MIPEP: variants seen among roughly 807,000 people sequenced by gnomAD.
MIPEP encodes mitochondrial intermediate peptidase.
Under a neutral mutation model 90.3 loss-of-function variants are expected in MIPEP, and 79 were observed. The observed-to-expected ratio is 0.87, with a 90% CI of 0.73 to 1.05. The LOEUF (loss-of-function observed/expected upper bound fraction) is 1.05, where lower values mean the gene tolerates loss of function less well. Ranked by LOEUF, MIPEP falls within the 50% of genes least tolerant of loss-of-function variation. MIPEP has a pLI of 0.00. For synonymous variants in MIPEP, 334 were observed against 315.8 expected, an observed-to-expected ratio of 1.06 and a Z score of -0.61; for missense variants, 940 against 905.6, an observed-to-expected ratio of 1.04 and a Z score of -0.49.
rs1953238529 is a variant in MIPEP at position 23,816,436 on chromosome 13, T to C, written c.1654-6512A>G. The stretch of plus-strand genomic sequence containing the variant: ...TCTTTAAATTCACTGATTCCTTCCC[T>C]AGTTTCATCGAGTGTATGGATGAGC... On this transcript the variant is annotated intron_variant, in intron 14 of 18. Transcript: ENST00000382172. Among the ~76,000 whole-genome samples, 5 of 152,350 alleles carry C rather than the reference T, an allele frequency of 3.3e-5. No individual in the cohort carries two copies. The South Asian group carries it at 1.0e-3, about 32-fold the overall frequency.
intron 9 of MIPEP, among the ~76,000 whole-genome samples, chr13:23,861,687 T>C (rs1317136162): frequency 1.3e-5 from 2 of 152,124 alleles, no homozygotes; most frequent in Admixed American, 6.5e-5. Flanking sequence ...TGTAGTGCCC[T>C]AGAACCAAAT....
chr13:23,731,390 G>A (rs1952202942), intron 18 of MIPEP, among the ~76,000 whole-genome samples: 1 of 152,190 alleles, frequency 6.6e-6, no homozygotes. Context: ...AGGTGGGCAG[G>A]CTCAGTCACA....
At chr13:23,742,968 T>C (rs1952347231) in intron 18 of MIPEP, among the ~76,000 whole-genome samples, 1 of 152,226 alleles carries the variant, frequency 6.6e-6, no homozygotes, top group Non-Finnish European at 1.5e-5. Flanking sequence ...ATGGCATGTA[T>C]ATTTTACCAC....
intron 2 of MIPEP, among the ~76,000 whole-genome samples, chr13:23,882,352 C>CT (rs371163136): frequency 4.6e-4 from 68 of 147,734 alleles, no homozygotes; most frequent in African/African-American, 1.5e-3. Flanking sequence ...CTCTTAAAGG[C>CT]TTTTTTTTTT....
intron 10 of MIPEP, among the ~76,000 whole-genome samples, chr13:23,855,848 T>C (rs778607332): frequency 2.0e-5 from 3 of 152,234 alleles, no homozygotes; most frequent in South Asian, 2.1e-4. Context: ...CATGGATATC[T>C]GGCAGACTAC....
At position 23,886,481 on chromosome 13, in the gene MIPEP, C is replaced by T; in HGVS notation, c.215G>A (p.Ser72Asn). The change falls in exon 2 of 19, where the codon AGT becomes AAT. Residue 72 changes from serine (S) to asparagine (N), a missense_variant. By Grantham distance (46) the Ser-to-Asn change is conservative. Coordinates refer to ENST00000382172, the MANE Select transcript of MIPEP (RefSeq NM_005932.4). ...TGCAATATGAAATCCTTCTGGGGCACTCAGCTCAGGAACTCCAAAAAGACC... is the reference window on the plus strand; with the variant it reads ...TGCAATATGAAATCCTTCTGGGGCATTCAGCTCAGGAACTCCAAAAAGACC... ...RRGLFGVPELSAPEGFHIAQE... is the reference protein window; with the variant it reads ...RRGLFGVPELNAPEGFHIAQE... 6.3e-7 allele frequency: 1 copy of T among 1,599,564 alleles called. No homozygotes were observed. The highest frequency in any genetic ancestry group is 8.5e-7 in the Non-Finnish European group (1 of 1,172,462).
intron 2 of MIPEP, 49 bp from the exon 3 acceptor site, chr13:23,881,836 TC>T (rs1340283380): frequency 7.1e-7 from 1 of 1,412,526 alleles, no homozygotes; most frequent in Non-Finnish European, 9.9e-7. Flanking sequence ...TGAGAAGCTT[TC>T]TTCCAGGATC....
intron 16 of MIPEP, among the ~76,000 whole-genome samples, chr13:23,780,550 T>TC (rs944687687): frequency 6.6e-6 from 1 of 152,058 alleles, no homozygotes; most frequent in African/African-American, 2.4e-5. Context: ...AGAGCGCCTC[T>TC]CCCCCTCCAA....
rs546454361 is a variant in MIPEP, at chr13:23,760,146, C to T, written c.1920G>A (p.Ala640=). The change falls in exon 17 of 19, where the codon GCG becomes GCA. Residue 640 remains alanine, a synonymous_variant. Coordinates refer to ENST00000382172, the MANE Select transcript of MIPEP (RefSeq NM_005932.4). ...ACTCCTTCCAAACCATGGAGGCGACCGCTCTGGACATGAGGTAAGAGTAAT... is the reference window on the plus strand; with the variant it reads ...ACTCCTTCCAAACCATGGAGGCGACTGCTCTGGACATGAGGTAAGAGTAAT... ...ARYYSYLMSR[A]VASMVWKECF... The T allele has an allele frequency of 1.2e-5, 19 of 1,614,070 alleles. No homozygotes were observed. The highest frequency in any genetic ancestry group is 2.2e-5 in the East Asian group (1 of 44,876).
intron 18 of MIPEP, among the ~76,000 whole-genome samples, chr13:23,735,271 C>T (rs1158557934): frequency 2.0e-5 from 3 of 152,240 alleles, no homozygotes; most frequent in East Asian, 3.9e-4. Flanking sequence ...GGCTTTGGAG[C>T]CCCCCTTCCT....
chr13:23,765,001 T>G (rs1035636660), intron 16 of MIPEP, among the ~76,000 whole-genome samples: 2 of 152,244 alleles, frequency 1.3e-5, no homozygotes, highest in African/African-American at 2.4e-5. Context: ...TCCACTTATA[T>G]GTGGATTTCT....
intron 14 of MIPEP, among the ~76,000 whole-genome samples, chr13:23,813,902 T>C (rs1395712588): frequency 6.6e-6 from 1 of 152,226 alleles, no homozygotes; most frequent in East Asian, 1.9e-4. Context: ...TTAATATTAT[T>C]GTCTCCTAAA....
chr13:23,765,841 G>A (rs1223745265), intron 16 of MIPEP: 1 of 152,188 alleles, frequency 6.6e-6, no homozygotes, highest in Non-Finnish European at 1.5e-5. Context: ...CCGGTGTATT[G>A]GGTTGTACTA....
rs556494993 is a variant in MIPEP at position 23,818,314 on chromosome 13, G to A, written c.1654-8390C>T. ...GGGTGCCTGTAATCCCAGCTACTCAGGAGGCTGAGGCATGAGAATCGCTGG... is the reference window on the plus strand; with the variant it reads ...GGGTGCCTGTAATCCCAGCTACTCAAGAGGCTGAGGCATGAGAATCGCTGG... On this transcript the variant is annotated intron_variant, in intron 14 of 18. Coordinates refer to ENST00000382172, the MANE Select transcript of MIPEP (RefSeq NM_005932.4). 5.9e-5 allele frequency among the ~76,000 whole-genome samples: 9 copies of A among 152,236 alleles called. No individual in the cohort carries two copies. The South Asian group carries it at 8.3e-4, about 14-fold the overall frequency.
intron 14 of MIPEP, among the ~76,000 whole-genome samples, chr13:23,832,560 C>A (rs1022343085): frequency 6.6e-6 from 1 of 151,994 alleles, no homozygotes; most frequent in Non-Finnish European, 1.5e-5. Context: ...GAGAATGAGG[C>A]CACCTATATA....
intron 18 of MIPEP, among the ~76,000 whole-genome samples, chr13:23,735,700 C>T (rs1952255159): frequency 6.6e-6 from 1 of 152,006 alleles, no homozygotes; most frequent in African/African-American, 2.4e-5. Flanking sequence ...ATAGTTAGAG[C>T]TAACTGGTTT....
chr13:23,862,266 G>A (rs772677071), intron 9 of MIPEP, 36 bp downstream of exon 9: 34 of 1,234,448 alleles, frequency 2.8e-5, no homozygotes, highest in Non-Finnish European at 3.8e-5. Context: ...TTGACAGACT[G>A]TCTATATTAT....
At chr13:23,841,167 A>G (rs911099586) in intron 11 of MIPEP, among the ~76,000 whole-genome samples, 168 bp downstream of exon 11, 2 of 152,228 alleles carry the variant, frequency 1.3e-5, no homozygotes, top group African/African-American at 4.8e-5. Flanking sequence ...TCCTTTATAC[A>G]GTGTCTTAAA....
At chr13:23,823,656 C>T (rs1436200795) in intron 14 of MIPEP, among the ~76,000 whole-genome samples, 1 of 152,144 alleles carries the variant, frequency 6.6e-6, no homozygotes, top group African/African-American at 2.4e-5. Flanking sequence ...GAACGAGACA[C>T]CATCTCTACA....
Sources: allele counts gnomAD v4.1 joint callset (sites outside exome capture counted in the v4.1 genomes callset), GRCh38; gene constraint gnomAD v4.1.1; transcripts MANE v1.5; gene names NCBI Gene and HGNC (gene_info 2026-07-23, HGNC 2026-07-21).